DAB1: variants seen among roughly 807,000 people sequenced by gnomAD.
DAB1 encodes disabled homolog 1.
A neutral mutation model predicts 64.6 loss-of-function variants in DAB1; 15 were observed. The ratio of observed to expected loss-of-function variants is 0.23; its 90% CI spans 0.16 to 0.36. DAB1 has a LOEUF of 0.36. Ranked by LOEUF, DAB1 falls within the 10% of genes least tolerant of loss-of-function variation. The pLI is 1.00. For missense variants in DAB1, 596 were observed against 706.7 expected (o/e 0.84, Z 1.78); for synonymous variants, 235 against 251.9 (o/e 0.93, Z 0.64).
chr1:57,668,169 T>G (rs1332188847), intron 6 of DAB1, among the ~76,000 whole-genome samples: 1 of 152,134 alleles, frequency 6.6e-6, no homozygotes, highest in African/African-American at 2.4e-5. Context: ...CTTTATGGTT[T>G]TTACAGAACT....
rs11462115 is a variant in DAB1 at position 57,400,993 on chromosome 1, T to TAA, written c.-137+22935_-137+22936dup. Among the ~76,000 whole-genome samples, 270 of 137,876 alleles carry TAA rather than the reference T, an allele frequency of 2.0e-3. 5 individuals carry two copies. Among genetic ancestry groups the TAA allele is most frequent in the Admixed American group, 2.7e-3 (37 of 13,622 alleles). 90.5% of individuals were successfully genotyped at this position (137,876 alleles called of 152,430 possible). On this transcript the variant is annotated intron_variant, in intron 1 of 14. Coordinates refer to ENST00000371236, the MANE Select transcript of DAB1 (RefSeq NM_001365792.1). ...AGTGAGAAGGGTGAAAGCTCTCTCT[T>TAA]AAAAAAAAAAAAAAGTGCCGAAAGG...
At chr1:58,344,688 A>G (rs1023147686) in intron 3 of DAB1, among the ~76,000 whole-genome samples, 1 of 152,182 alleles carries the variant, frequency 6.6e-6, no homozygotes, top group East Asian at 1.9e-4. Context: ...AAACTTTTCT[A>G]TTCTTTTGGC....
intron 4 of DAB1, among the ~76,000 whole-genome samples, chr1:57,122,338 G>T (rs912891246): frequency 6.6e-6 from 1 of 152,186 alleles, no homozygotes; most frequent in African/African-American, 2.4e-5. Context: ...ACAGATGAGA[G>T]TGTCAGCAAA....
At chr1:57,756,691 A>G (rs2101811297) in intron 6 of DAB1, among the ~76,000 whole-genome samples, 1 of 152,258 alleles carries the variant, frequency 6.6e-6, no homozygotes, top group South Asian at 2.1e-4. Context: ...AAAAAATGAT[A>G]ACAGCTTCTA....
chr1:58,160,643 A>G (rs1001384565), intron 4 of DAB1, among the ~76,000 whole-genome samples: 2 of 152,222 alleles, frequency 1.3e-5, no homozygotes, highest in Non-Finnish European at 2.9e-5. Flanking sequence ...CAATCCAAGT[A>G]CAGCATTTGC....
intron 4 of DAB1, among the ~76,000 whole-genome samples, chr1:57,111,623 C>T (rs1390102415): frequency 6.6e-6 from 1 of 152,150 alleles, no homozygotes; most frequent in East Asian, 1.9e-4. Flanking sequence ...CTCATCCCAT[C>T]TAATTTTGCT....
At chr1:57,859,037 T>C (rs1180660001) in intron 1 of DAB1, among the ~76,000 whole-genome samples, 1 of 152,104 alleles carries the variant, frequency 6.6e-6, no homozygotes, top group Non-Finnish European at 1.5e-5. Context: ...CAGGGGGTTG[T>C]CGTTTGAGTC....
intron 3 of DAB1, among the ~76,000 whole-genome samples, chr1:58,456,524 G>A (rs1429850719): frequency 6.6e-6 from 1 of 152,196 alleles, no homozygotes; most frequent in African/African-American, 2.4e-5. Context: ...GGCAATGGAG[G>A]AGTGTGAGGA....
chr1:58,280,979 C>T (rs1451396977), intron 4 of DAB1, among the ~76,000 whole-genome samples: 2 of 152,090 alleles, frequency 1.3e-5, no homozygotes, highest in African/African-American at 2.4e-5. Context: ...TGTCTTTGTA[C>T]ATGGATGGAG....
intron 4 of DAB1, among the ~76,000 whole-genome samples, chr1:58,332,985 ACTGCAACCT>A (rs1458330266): frequency 1.3e-5 from 2 of 152,122 alleles, no homozygotes; most frequent in Non-Finnish European, 2.9e-5. Context: ...GTCTCGGCTC[ACTGCAACCT>A]CTGCTCCCGG....
intron 5 of DAB1, among the ~76,000 whole-genome samples, chr1:58,055,496 A>C (rs1380091489): frequency 6.6e-6 from 1 of 151,548 alleles, no homozygotes; most frequent in African/African-American, 2.4e-5. Flanking sequence ...GCACTTAATC[A>C]TCTTCTGACA....
At chr1:57,569,165 G>A (rs1645162132) in intron 7 of DAB1, among the ~76,000 whole-genome samples, 1 of 144,266 alleles carries the variant, frequency 6.9e-6, no homozygotes, top group African/African-American at 2.5e-5. Context: ...GGCTGAGGCA[G>A]GAGAATGGCG....
At position 58,093,943 on chromosome 1, in the gene DAB1, T is replaced by C. The variant is rs544211132; in HGVS notation, n.387+56568A>G. On this transcript the variant is annotated intron_variant and non_coding_transcript_variant, in intron 5 of 20. Coordinates refer to the DAB1 transcript ENST00000485760. ...CTCTGTACTACAGAATCCTGATCCC[T>C]GCAGGCTATGTGTTCCAGGCTCCTG... Among the ~76,000 whole-genome samples the C allele has an allele frequency of 2.6e-5, 4 of 152,252 alleles. No homozygotes were observed. In the East Asian group the frequency reaches 7.7e-4, roughly 29 times the overall value.
intron 7 of DAB1, among the ~76,000 whole-genome samples, chr1:57,495,788 T>C (rs1318108643): frequency 6.6e-6 from 1 of 152,218 alleles, no homozygotes; most frequent in Non-Finnish European, 1.5e-5. Context: ...GCAACATTTC[T>C]TGTGCAAGGT....
chr1:58,466,005 TGTG>T (rs1337083697), intron 3 of DAB1, among the ~76,000 whole-genome samples: 1 of 151,704 alleles, frequency 6.6e-6, no homozygotes, highest in African/African-American at 2.4e-5. Context: ...TCTAGGGGAG[TGTG>T]GTGGCCATGG....
At chr1:57,329,736 G>T (rs1042878278) in intron 1 of DAB1, among the ~76,000 whole-genome samples, 1 of 151,238 alleles carries the variant, frequency 6.6e-6, no homozygotes, top group African/African-American at 2.4e-5. Context: ...TTTGCAAGTT[G>T]GGTCACAGCT....
rs182803404 is a variant in DAB1, at chr1:57,290,236, G to C, written c.67+728C>G. On this transcript the variant is annotated intron_variant, in intron 2 of 14. Coordinates refer to ENST00000371236, the MANE Select transcript of DAB1 (RefSeq NM_001365792.1). ...AAACTCAAACCTAGTGAATAAGCAG[G>C]AGTCAGTTCAGGAAAAAAAAAAAAA... is the stretch of plus-strand genomic sequence containing the variant. 9.9e-5 allele frequency among the ~76,000 whole-genome samples: 15 copies of C among 151,570 alleles called. No homozygotes were observed. The East Asian group carries it at 2.9e-3, about 29-fold the overall frequency.
rs984185523 is a variant in DAB1, at chr1:58,412,523, G to A, written n.258-69120C>T. 5.3e-5 allele frequency among the ~76,000 whole-genome samples: 8 copies of A among 152,260 alleles called. No homozygotes were observed. In the South Asian group the frequency reaches 6.2e-4, roughly 12 times the overall value. ...CAGCCAGAAGCAAAGGCCTCCGCCC[G>A]CCCACCACATTGTTTTTAATCGTGG... On this transcript the variant is annotated intron_variant and non_coding_transcript_variant, in intron 3 of 20. Transcript: ENST00000485760.
intron 2 of DAB1, among the ~76,000 whole-genome samples, chr1:58,520,071 A>G (rs749910296): frequency 6.6e-6 from 1 of 152,196 alleles, no homozygotes; most frequent in Non-Finnish European, 1.5e-5. Flanking sequence ...CAAAGATGGG[A>G]ACAACAGACA....
Sources: allele counts gnomAD v4.1 joint callset (sites outside exome capture counted in the v4.1 genomes callset), GRCh38; gene constraint gnomAD v4.1.1; transcripts MANE v1.5; gene names NCBI Gene and HGNC (gene_info 2026-07-23, HGNC 2026-07-21).